The following FBXO42 variants were observed in gnomAD, a reference collection of about 807,000 sequenced individuals.
FBXO42 encodes the protein F-box only protein 42.
Under a neutral mutation model 71.7 loss-of-function variants are expected in FBXO42, and 12 were observed. That is an observed-to-expected ratio of 0.17 (90% CI 0.11 to 0.27). FBXO42 has a LOEUF of 0.27. Ranked by LOEUF, FBXO42 falls within the 10% of genes least tolerant of loss-of-function variation. The probability of loss-of-function intolerance (pLI) is 1.00; values close to 1 mark genes in which losing one functional copy is unlikely to be tolerated. For synonymous variants in FBXO42, 325 were observed against 327.5 expected, an observed-to-expected ratio of 0.99 and a Z score of 0.08; for missense variants, 707 against 911.9, an observed-to-expected ratio of 0.78 and a Z score of 2.89.
intron 4 of FBXO42, among the ~76,000 whole-genome samples, chr1:16,289,806 C>T (rs1162507626): frequency 3.3e-5 from 5 of 152,024 alleles, no homozygotes; most frequent in African/African-American, 7.2e-5. Flanking sequence ...TGGTGGTGCA[C>T]GTTTGTATTC....
chr1:16,315,260 C>T lies in FBXO42; in HGVS notation c.159G>A (p.Glu53=). 6.2e-7 allele frequency: 1 copy of T among 1,614,134 alleles called. No individual in the cohort carries two copies. Among genetic ancestry groups the T allele is most frequent in the South Asian group, 1.1e-5 (1 of 91,082 alleles). Residue 53 remains glutamate (E), a synonymous_variant, in exon 2 of 10, where the codon GAG becomes GAA. Transcript: ENST00000375592. ...HNRSMSELPE[E]VLEYILSFLS... ...GAAAGGACAGGATATACTCCAAAAC[C>T]TCTTCTGGCAGCTCCGACATGGACC...
At chr1:16,324,029 A>G (rs2082430852) in intron 1 of FBXO42, among the ~76,000 whole-genome samples, 1 of 152,114 alleles carries the variant, frequency 6.6e-6, no homozygotes, top group Admixed American at 6.6e-5. Flanking sequence ...TCTTGAAAAT[A>G]TACTGTTGAA....
At position 16,251,818 on chromosome 1, in the gene FBXO42, C is replaced by G; in HGVS notation, c.1039-33G>C. ...ACAAAGGACCAGTGCTCACACTCTT[C>G]TATGATTCTGATTGTTCATTCAACT... On this transcript the variant is annotated intron_variant, in intron 9 of 9. Transcript: ENST00000375592. This position sits in a 1 kb window ranked among gnomAD's most constrained non-coding sequence, Gnocchi z 4.5. 1 of 1,576,848 alleles carries G rather than the reference C, an allele frequency of 6.3e-7. No homozygotes were observed.
chr1:16,283,508 T>TTTTTTTTTTTTG (rs1225702478), intron 4 of FBXO42, among the ~76,000 whole-genome samples: 1 of 141,058 alleles, frequency 7.1e-6, no homozygotes. Context: ...TTTTTTTTTT[T>TTTTTTTTTTTTG]TTTTTTTTTG....
chr1:16,260,320 T>C (rs1199239815), intron 4 of FBXO42, among the ~76,000 whole-genome samples: 1 of 151,550 alleles, frequency 6.6e-6, no homozygotes, highest in Non-Finnish European at 1.5e-5. Flanking sequence ...ATTATTCTCC[T>C]GTCTCAGCCT....
chr1:16,346,249 T>G (rs555167524), intron 1 of FBXO42, among the ~76,000 whole-genome samples: 1 of 152,158 alleles, frequency 6.6e-6, no homozygotes, highest in African/African-American at 2.4e-5. Flanking sequence ...CATTTGAAAG[T>G]GCGTTTACCC....
intron 1 of FBXO42, among the ~76,000 whole-genome samples, chr1:16,332,650 C>T (rs1324502405): frequency 6.6e-6 from 1 of 151,608 alleles, no homozygotes; most frequent in African/African-American, 2.4e-5. Context: ...AAGTGATTCT[C>T]CTGCCTCAAG....
At chr1:16,336,889 G>T (rs1158429910) in intron 1 of FBXO42, among the ~76,000 whole-genome samples, 2 of 152,070 alleles carry the variant, frequency 1.3e-5, no homozygotes, top group African/African-American at 4.8e-5. Flanking sequence ...GGAGGCTGAG[G>T]CAGGAGAATC....
At chr1:16,340,389 G>A (rs1171033616) in intron 1 of FBXO42, among the ~76,000 whole-genome samples, 1 of 151,866 alleles carries the variant, frequency 6.6e-6, no homozygotes. Context: ...TGCCATCTCG[G>A]CTCACTGCAG....
chr1:16,344,632 A>C (rs1258596971), intron 1 of FBXO42, among the ~76,000 whole-genome samples: 2 of 151,758 alleles, frequency 1.3e-5, no homozygotes, highest in Admixed American at 1.3e-4. Flanking sequence ...CACAGCACCC[A>C]TCCAGTTGTT....
At chr1:16,262,410 T>A (rs990922109) in intron 4 of FBXO42, among the ~76,000 whole-genome samples, 1 of 152,176 alleles carries the variant, frequency 6.6e-6, no homozygotes, top group African/African-American at 2.4e-5. Context: ...ATCAAATGAA[T>A]TTATGGTGAG....
At chr1:16,321,014 A>G (rs1009647099) in intron 1 of FBXO42, among the ~76,000 whole-genome samples, 20 of 152,264 alleles carry the variant, frequency 1.3e-4, no homozygotes, top group African/African-American at 4.1e-4. Context: ...GCAAAAGTTT[A>G]TTTACATTAC....
Position 16,252,454 on chromosome 1 carries a change from A to C in FBXO42, c.922-50T>G, listed in dbSNP as rs751399888. The C allele has an allele frequency of 1.5e-6, 2 of 1,374,132 alleles. No homozygotes were observed. The highest frequency in any genetic ancestry group is 4.6e-5 in the East Asian group (2 of 43,614). 85.1% of individuals were successfully genotyped at this position (1,374,132 alleles called of 1,614,324 possible). On this transcript the variant is annotated intron_variant, in intron 8 of 9. Coordinates refer to ENST00000375592, the MANE Select transcript of FBXO42 (RefSeq NM_018994.3). The surrounding 1 kb of genome is among the most constrained non-coding windows in gnomAD (Gnocchi z 4.4). The stretch of plus-strand genomic sequence containing the variant: ...AGACTCAGGTGTGATATGCGTTCCA[A>C]AACACACACACACAGAGTTGCAGTC...
rs2100467330 is a variant in FBXO42, at chr1:16,269,080, A to AT, written c.503-12322dup. ...CACCTCGGCCTTCCAAAGTACTGGG[A>AT]TTACAGGCGTGAGCCACCGCACCTG... On this transcript the variant is annotated intron_variant, in intron 4 of 9. Coordinates refer to ENST00000375592, the MANE Select transcript of FBXO42 (RefSeq NM_018994.3). Among the ~76,000 whole-genome samples, 3 of 144,364 alleles carry AT rather than the reference A, an allele frequency of 2.1e-5. No homozygotes were observed. The East Asian group carries it at 6.5e-4, about 31-fold the overall frequency. The allele number at this position is 144,364 out of a possible 152,430, so 94.7% of individuals were successfully genotyped here.
intron 4 of FBXO42, among the ~76,000 whole-genome samples, chr1:16,282,604 G>C (rs1263148084): frequency 6.6e-6 from 1 of 152,028 alleles, no homozygotes; most frequent in Non-Finnish European, 1.5e-5. Flanking sequence ...TAGCAGTTTG[G>C]GAGGCCAAGG....
Position 16,250,935 on chromosome 1 carries a change from T to C in FBXO42, c.1889A>G (p.Asn630Ser). The C allele has an allele frequency of 6.2e-7, 1 of 1,614,102 alleles. No homozygotes were observed. The highest frequency in any genetic ancestry group is 8.5e-7 in the Non-Finnish European group (1 of 1,180,020). The change falls in exon 10 of 10, where the codon AAT becomes AGT. Residue 630 changes from asparagine (N) to serine (S), a missense_variant. Asn to Ser is a conservative substitution (Grantham distance 46, BLOSUM62 1). Transcript: ENST00000375592. This position sits in a 1 kb window ranked among gnomAD's most constrained non-coding sequence, Gnocchi z 4.7. ...ACTCTGGTATAGGGGTTTGCCAACA[T>C]TTAGGGACTGTGGAGGGTGGTGGCC... ...RLGHHPPQSL[N>S]VGKPLYQSMN...
chr1:16,271,356 C>T (rs1472677469), intron 4 of FBXO42, among the ~76,000 whole-genome samples: 1 of 151,612 alleles, frequency 6.6e-6, no homozygotes, highest in South Asian at 2.1e-4. Flanking sequence ...TCTCAGCTCA[C>T]TGCAACCTTC....
intron 4 of FBXO42, among the ~76,000 whole-genome samples, chr1:16,268,614 A>T (rs541566648): frequency 1.6e-4 from 24 of 152,202 alleles, no homozygotes; most frequent in South Asian, 1.5e-3. Flanking sequence ...AATAACTTAA[A>T]ATATTCCCTT....
Position 16,253,137 on chromosome 1 carries a change from C to T in FBXO42, c.880G>A (p.Ala294Thr). The change falls in exon 8 of 10, where the codon GCA becomes ACA. Residue 294 changes from alanine to threonine, a missense_variant. Ala to Thr is a moderately conservative substitution (Grantham distance 58). Around this residue, in one of 5 missense-constraint regions of FBXO42, gnomAD observed 482 missense variants for 587.1 expected, o/e 0.82. Transcript: ENST00000375592. Reference protein sequence around the residue: ...GGQSQIVIDDATILILGGCGG... With the variant: ...GGQSQIVIDDTTILILGGCGG... ...CACCCTCCGAGGATTAAGATAGTTG[C>T]ATCATCTATGACAATCTGAGGAGGG... is the stretch of plus-strand genomic sequence containing the variant. 1.9e-6 allele frequency: 3 copies of T among 1,613,662 alleles called. No individual in the cohort carries two copies. The highest frequency in any genetic ancestry group is 2.2e-5 in the East Asian group (1 of 44,854).
Sources: gnomAD v4.1 joint callset for allele counts (sites outside exome capture counted in the v4.1 genomes callset) on GRCh38, gnomAD v4.1.1 for gene constraint, gnomAD v4.1.1 regional missense constraint, Gnocchi (gnomAD v3.1) non-coding constraint, MANE v1.5 for transcripts, NCBI Gene and HGNC (gene_info 2026-07-23, HGNC 2026-07-21) for gene names.